Variants in STX8 observed in about 807,000 individuals in gnomAD.
STX8 encodes the protein syntaxin-8.
In STX8, 23 loss-of-function variants were observed where a neutral mutation model predicts 37.5. The observed-to-expected ratio is 0.61, with a 90% CI of 0.44 to 0.87. The LOEUF is 0.87. Ranked by LOEUF, STX8 falls within the 40% of genes least tolerant of loss-of-function variation. The pLI is 0.00. For synonymous variants in STX8, 115 were observed against 99.1 expected, an observed-to-expected ratio of 1.16 and a Z score of -0.95; for missense variants, 313 against 284.7, an observed-to-expected ratio of 1.10 and a Z score of -0.71.
intron 7 of STX8, among the ~76,000 whole-genome samples, chr17:9,326,138 T>A (rs562362978): frequency 3.3e-5 from 5 of 151,988 alleles, no homozygotes; most frequent in African/African-American, 4.8e-5. Flanking sequence ...CCTTTTTTTT[T>A]TTTTCTTTTT....
At chr17:9,418,912 CTTTTT>C (rs1170091776) in intron 6 of STX8, among the ~76,000 whole-genome samples, 1 of 127,866 alleles carries the variant, frequency 7.8e-6, no homozygotes, top group South Asian at 2.9e-4. Context: ...ACCCCCCCCT[CTTTTT>C]TTTTCTTTTT....
At chr17:9,462,140 C>A (rs567206967) in intron 6 of STX8, among the ~76,000 whole-genome samples, 1 of 152,112 alleles carries the variant, frequency 6.6e-6, no homozygotes, top group East Asian at 1.9e-4. Flanking sequence ...AGTTGGGGAC[C>A]CCTGGGTTAG....
At chr17:9,275,724 C>T (rs556469223) in intron 7 of STX8, among the ~76,000 whole-genome samples, 38 of 151,744 alleles carry the variant, frequency 2.5e-4, no homozygotes, top group African/African-American at 8.7e-4. Flanking sequence ...AAAAATTAGC[C>T]GGGCATGGTG....
At chr17:9,426,859 A>G (rs965234570) in intron 6 of STX8, among the ~76,000 whole-genome samples, 14 of 152,192 alleles carry the variant, frequency 9.2e-5, no homozygotes, top group African/African-American at 3.1e-4. Flanking sequence ...AATATAAGTT[A>G]TATCTTGTAA....
chr17:9,309,703 T>C (rs535935663), intron 7 of STX8, among the ~76,000 whole-genome samples: 1 of 152,152 alleles, frequency 6.6e-6, no homozygotes, highest in South Asian at 2.1e-4. Flanking sequence ...TGAGTGAGAG[T>C]CATCATATAC....
intron 7 of STX8, among the ~76,000 whole-genome samples, chr17:9,261,401 G>A (rs1326350265): frequency 6.6e-6 from 1 of 152,190 alleles, no homozygotes; most frequent in Admixed American, 6.5e-5. Flanking sequence ...CCTACTGTGT[G>A]TCGGGTCCAA....
intron 6 of STX8, among the ~76,000 whole-genome samples, chr17:9,414,550 G>C (rs535638201): frequency 1.3e-5 from 2 of 152,114 alleles, no homozygotes; most frequent in South Asian, 4.2e-4. Flanking sequence ...ACCATGCTTT[G>C]GGCTAGGGGA....
intron 6 of STX8, among the ~76,000 whole-genome samples, chr17:9,401,091 A>T (rs1325663160): frequency 2.6e-5 from 4 of 152,214 alleles, no homozygotes; most frequent in Admixed American, 1.3e-4. Flanking sequence ...AGAAATGCTA[A>T]CAGGATCACA....
intron 4 of STX8, among the ~76,000 whole-genome samples, chr17:9,512,326 C>T (rs1431962637): frequency 6.6e-6 from 1 of 152,158 alleles, no homozygotes; most frequent in Non-Finnish European, 1.5e-5. Context: ...ATCACACTAC[C>T]AGACTTCAAA....
chr17:9,408,552 C>T (rs1006181258), intron 6 of STX8, among the ~76,000 whole-genome samples: 4 of 152,124 alleles, frequency 2.6e-5, no homozygotes, highest in African/African-American at 7.2e-5. Flanking sequence ...AAGTTCTGGA[C>T]CTAAGAGCTG....
intron 7 of STX8, among the ~76,000 whole-genome samples, chr17:9,324,765 CA>C (rs534392223): frequency 0.021 from 982 of 45,942 alleles, 3 homozygotes; most frequent in Non-Finnish European, 0.032. Flanking sequence ...AACTCCATCT[CA>C]AAAAAAAAAA....
At chr17:9,438,659 T>C (rs913387252) in intron 6 of STX8, among the ~76,000 whole-genome samples, 4 of 151,984 alleles carry the variant, frequency 2.6e-5, no homozygotes, top group African/African-American at 7.3e-5. Flanking sequence ...CCGGGCGTGG[T>C]GGCTCACGTC....
chr17:9,489,691 C>CTTTTTTTTT lies in STX8; in HGVS notation c.541+2129_541+2137dup, dbSNP rs4063411. Among the ~76,000 whole-genome samples the CTTTTTTTTT allele has an allele frequency of 1.0e-3, 133 of 127,374 alleles. 5 individuals carry two copies. Among genetic ancestry groups the CTTTTTTTTT allele is most frequent in the African/African-American group, 2.9e-3 (100 of 33,988 alleles). 83.6% of individuals were successfully genotyped at this position (127,374 alleles called of 152,430 possible). A position where few individuals can be genotyped will look rare whatever the true frequency, so the allele number is the denominator to read the frequency against. ...CAGATTTTCTATAAAGCTTACTTTC[C>CTTTTTTTTT]TTTTTTTTTTTTTTTGAGATGGATT... On this transcript the variant is annotated intron_variant, in intron 6 of 7. Coordinates refer to ENST00000306357, the MANE Select transcript of STX8 (RefSeq NM_004853.3).
intron 2 of STX8, among the ~76,000 whole-genome samples, chr17:9,567,920 A>C (rs1015572301): frequency 6.6e-6 from 1 of 152,150 alleles, no homozygotes; most frequent in Non-Finnish European, 1.5e-5. Context: ...TCTTGACCTC[A>C]AGCAATCTGC....
Position 9,326,213 on chromosome 17 carries a change from C to T in STX8, c.643+52339G>A, listed in dbSNP as rs369172761. 2.6e-5 allele frequency among the ~76,000 whole-genome samples: 4 copies of T among 152,166 alleles called. 1 individual carries two copies. Among genetic ancestry groups the T allele is most frequent in the Admixed American group, 6.5e-5 (1 of 15,284 alleles). ...TGGCACGATCATGGCTCATTGCAGC[C>T]TTGACCTCCTGGGCTCAGGTGATTC... On this transcript the variant is annotated intron_variant, in intron 7 of 7. Coordinates refer to ENST00000306357, the MANE Select transcript of STX8 (RefSeq NM_004853.3).
chr17:9,412,174 G>C (rs2142335227), intron 6 of STX8, among the ~76,000 whole-genome samples: 1 of 152,266 alleles, frequency 6.6e-6, no homozygotes, highest in East Asian at 1.9e-4. Context: ...GGAAACTAGG[G>C]TGAGGGAAAT....
At chr17:9,414,125 TCCAA>T (rs759442796) in intron 6 of STX8, among the ~76,000 whole-genome samples, 16 of 16,292 alleles carry the variant, frequency 9.8e-4, no homozygotes, top group East Asian at 2.2e-3. Context: ...CATCCATCCA[TCCAA>T]CCATCCATCC....
chr17:9,417,093 T>C (rs1287016445), intron 6 of STX8, among the ~76,000 whole-genome samples: 9 of 152,140 alleles, frequency 5.9e-5, no homozygotes, highest in Non-Finnish European at 1.3e-4. Flanking sequence ...CACCCATTAC[T>C]TAGGCCCCTG....
chr17:9,510,035 G>T (rs1236377684), intron 4 of STX8, among the ~76,000 whole-genome samples: 4 of 152,104 alleles, frequency 2.6e-5, no homozygotes, highest in Non-Finnish European at 5.9e-5. Flanking sequence ...ATTAGACAAA[G>T]AAGGACATTA....
Sources: allele counts gnomAD v4.1 joint callset (sites outside exome capture counted in the v4.1 genomes callset), GRCh38; gene constraint gnomAD v4.1.1; transcripts MANE v1.5; gene names NCBI Gene and HGNC (gene_info 2026-07-23, HGNC 2026-07-21).